The following DCTD variants were observed in gnomAD, a reference collection of about 807,000 sequenced individuals.
DCTD encodes the protein deoxycytidylate deaminase.
Under a neutral mutation model 21.0 loss-of-function variants are expected in DCTD, and 23 were observed. That is an observed-to-expected ratio of 1.09 (90% CI 0.79 to 1.55). The LOEUF (loss-of-function observed/expected upper bound fraction) is 1.55, where lower values mean the gene tolerates loss of function less well. Ranked by LOEUF, DCTD falls within the 40% of genes most tolerant of loss-of-function variation. DCTD has a pLI of 0.00. For missense variants in DCTD, 224 were observed against 230.0 expected (o/e 0.97, Z 0.17); for synonymous variants, 71 against 81.1 (o/e 0.88, Z 0.67).
intron 5 of DCTD, among the ~76,000 whole-genome samples, chr4:182,892,567 T>G (rs999207574): frequency 6.6e-6 from 1 of 151,806 alleles, no homozygotes; most frequent in Non-Finnish European, 1.5e-5. Context: ...AAGCGGAGGT[T>G]GCAGTGAGCC....
At chr4:182,906,494 CAT>C (rs1736744461) in intron 3 of DCTD, among the ~76,000 whole-genome samples, 1 of 152,162 alleles carries the variant, frequency 6.6e-6, no homozygotes, top group Admixed American at 6.5e-5. Context: ...CAAATGACCA[CAT>C]GTGATGGTGT....
chr4:182,891,119 G>A lies in DCTD; in HGVS notation c.*280C>T. The A allele has an allele frequency of 3.0e-6, 1 of 338,840 alleles. No individual in the cohort carries two copies. Among genetic ancestry groups the A allele is most frequent in the Non-Finnish European group, 5.4e-6 (1 of 186,308 alleles). 21.0% of individuals were successfully genotyped at this position (338,840 alleles called of 1,614,324 possible). A position where few individuals can be genotyped will look rare whatever the true frequency, so the allele number is the denominator to read the frequency against. ...CCTCTGAAGAGCCACCAGCATCCCA[G>A]CCAGCCAGGACACAAGAAGGGGAGG... On this transcript the variant is annotated 3_prime_UTR_variant, in exon 6 of 6. Transcript: ENST00000438320.
intron 3 of DCTD, among the ~76,000 whole-genome samples, chr4:182,903,228 C>T (rs114641482): frequency 2.5e-4 from 38 of 152,280 alleles, no homozygotes; most frequent in African/African-American, 8.7e-4. Flanking sequence ...CACTGGCTGG[C>T]AGGAACCAGG....
Position 182,891,466 on chromosome 4 carries a change from G to T in DCTD, c.470C>A (p.Pro157Gln), listed in dbSNP as rs780075881. Reference sequence around the variant, plus strand: ...GTCAATGACAATCTTGCTGCACTTCGGTATGAATTTCCTAAAAATAAAAAC... The same window carrying T: ...GTCAATGACAATCTTGCTGCACTTCTGTATGAATTTCCTAAAAATAAAAAC... Reference protein sequence around the residue: ...MAGVTFRKFIPKCSKIVIDFD... With the variant: ...MAGVTFRKFIQKCSKIVIDFD... Residue 157 changes from proline (P) to glutamine (Q), a missense_variant, in exon 6 of 6, where the codon CCG becomes CAG. Transcript: ENST00000438320. 8 of 1,609,058 alleles carry T rather than the reference G, an allele frequency of 5.0e-6. No homozygotes were observed. Among genetic ancestry groups the T allele is most frequent in the Non-Finnish European group, 6.8e-6 (8 of 1,175,936 alleles).
At chr4:182,915,420 G>T in intron 2 of DCTD, 41 bp downstream of exon 2, 2 of 1,287,938 alleles carry the variant, frequency 1.6e-6, no homozygotes, top group Non-Finnish European at 2.3e-6. Context: ...TAATCTCTTT[G>T]CCTGTGAGTA....
chr4:182,905,257 C>T (rs760818475), intron 3 of DCTD, among the ~76,000 whole-genome samples: 5 of 151,884 alleles, frequency 3.3e-5, no homozygotes, highest in Non-Finnish European at 5.9e-5. Flanking sequence ...CTCCACGTTG[C>T]TGAACCCCAT....
chr4:182,912,939 C>T (rs1737981560), intron 3 of DCTD, among the ~76,000 whole-genome samples: 1 of 152,190 alleles, frequency 6.6e-6, no homozygotes, highest in African/African-American at 2.4e-5. Flanking sequence ...CCCCAGAATT[C>T]CTCCATATCA....
Position 182,891,351 on chromosome 4 carries a change from C to G in DCTD, c.*48G>C. 7.3e-7 allele frequency: 1 copy of G among 1,365,408 alleles called. No homozygotes were observed. Among genetic ancestry groups the G allele is most frequent in the Non-Finnish European group, 1.0e-6 (1 of 954,196 alleles). 84.6% of individuals were successfully genotyped at this position (1,365,408 alleles called of 1,614,324 possible). On this transcript the variant is annotated 3_prime_UTR_variant, in exon 6 of 6. Coordinates refer to ENST00000438320, the MANE Select transcript of DCTD (RefSeq NM_001921.3). Reference sequence around the variant, plus strand: ...TCAAGATGAAAGGCATTAGCAACCTCTTAGAAGACGATAATCCCAATCTTC... The same window carrying G: ...TCAAGATGAAAGGCATTAGCAACCTGTTAGAAGACGATAATCCCAATCTTC...
chr4:182,904,718 A>G (rs13116598), intron 3 of DCTD, among the ~76,000 whole-genome samples: 49,826 of 151,808 alleles, frequency 0.33, 8,387 homozygotes, highest in Non-Finnish European at 0.36. Context: ...TTCTCCCGGC[A>G]TCCAAGCTCC....
intron 3 of DCTD, among the ~76,000 whole-genome samples, chr4:182,903,291 T>C (rs575537390): frequency 1.3e-5 from 2 of 152,288 alleles, no homozygotes; most frequent in East Asian, 3.9e-4. Context: ...CCGATCACGC[T>C]GCACCCGACA....
At chr4:182,903,900 C>T (rs1028659057) in intron 3 of DCTD, among the ~76,000 whole-genome samples, 5 of 152,152 alleles carry the variant, frequency 3.3e-5, no homozygotes, top group African/African-American at 7.2e-5. Flanking sequence ...AAAAGTCCCT[C>T]TCCAAGAACG....
chr4:182,914,867 T>C, intron 3 of DCTD, 56 bp downstream of exon 3: 1 of 1,603,250 alleles, frequency 6.2e-7, no homozygotes, highest in Non-Finnish European at 8.5e-7. Flanking sequence ...ACTTTCTTAA[T>C]TAGGCACTCA....
At chr4:182,905,332 T>C (rs1665061038) in intron 3 of DCTD, among the ~76,000 whole-genome samples, 2 of 150,414 alleles carry the variant, frequency 1.3e-5, no homozygotes, top group Non-Finnish European at 1.5e-5. Context: ...CCTTCTTTTT[T>C]TTTTTTTTTT....
intron 3 of DCTD, among the ~76,000 whole-genome samples, chr4:182,903,689 G>A (rs767532672): frequency 5.3e-5 from 8 of 151,370 alleles, no homozygotes; most frequent in Admixed American, 1.3e-4. Flanking sequence ...GTGCCCATCC[G>A]CCTGCCCACA....
rs549336593 is a variant in DCTD at position 182,893,045 on chromosome 4, G to A, written c.444C>T (p.Ala148=). The A allele has an allele frequency of 6.7e-5, 107 of 1,605,662 alleles. No individual in the cohort carries two copies. Among genetic ancestry groups the A allele is most frequent in the Middle Eastern group, 1.7e-4 (1 of 6,022 alleles). ...TCCCCACTTACCGGAATGTCACCCC[G>A]GCCATATTAAACAGGAGCCTCGCAG... The part of the protein sequence containing the change: ...ATAARLLFNM[A]GVTFRKFIPK... The change falls in exon 5 of 6, where the codon GCC becomes GCT. Residue 148 remains alanine, a synonymous_variant. Coordinates refer to ENST00000438320, the MANE Select transcript of DCTD (RefSeq NM_001921.3).
chr4:182,894,479 CG>C lies in DCTD; in HGVS notation c.361+9del. On this transcript the variant is annotated intron_variant, in intron 4 of 5. Coordinates refer to ENST00000438320, the MANE Select transcript of DCTD (RefSeq NM_001921.3). ...TGCAAATGTGACAAATGGAAAGACC[CG>C]GTTCCTACCTGCCTGGATGATGAGC... The C allele has an allele frequency of 6.4e-7, 1 of 1,553,760 alleles. No individual in the cohort carries two copies. Among genetic ancestry groups the C allele is most frequent in the South Asian group, 1.1e-5 (1 of 89,710 alleles).
At chr4:182,916,745 A>G in intron 1 of DCTD, 4 of 1,096,882 alleles carry the variant, frequency 3.6e-6, no homozygotes, top group East Asian at 9.9e-5. Flanking sequence ...AGGGAGGGGG[A>G]GCCATGGGGG....
At chr4:182,902,543 G>A (rs556073115) in intron 3 of DCTD, among the ~76,000 whole-genome samples, 2 of 152,354 alleles carry the variant, frequency 1.3e-5, no homozygotes, top group Non-Finnish European at 2.9e-5. Context: ...CTGCTGGACT[G>A]CTCCAAAGCC....
Position 182,891,076 on chromosome 4 carries a change from T to C in DCTD, c.*323A>G, listed in dbSNP as rs1420022789. On this transcript the variant is annotated 3_prime_UTR_variant, in exon 6 of 6. Coordinates refer to ENST00000438320, the MANE Select transcript of DCTD (RefSeq NM_001921.3). ...AGAGAGGCTGCCGGATCGCAGCAGA[T>C]GACAGACAGCTGATGCTCCTCTGAA... 2 of 273,680 alleles carry C rather than the reference T, an allele frequency of 7.3e-6. No homozygotes were observed. Among genetic ancestry groups the C allele is most frequent in the Admixed American group, 9.5e-5 (2 of 20,950 alleles). 17.0% of individuals were successfully genotyped at this position (273,680 alleles called of 1,614,324 possible). A position where few individuals can be genotyped will look rare whatever the true frequency, so the allele number is the denominator to read the frequency against.
Sources: gnomAD v4.1 joint callset for allele counts (sites outside exome capture counted in the v4.1 genomes callset) on GRCh38, gnomAD v4.1.1 for gene constraint, MANE v1.5 for transcripts, NCBI Gene and HGNC (gene_info 2026-07-23, HGNC 2026-07-21) for gene names.